The following COL6A6 variants were observed in gnomAD, a reference collection of about 807,000 sequenced individuals.
COL6A6 encodes collagen alpha-6(VI) chain.
Under a neutral mutation model 208.6 loss-of-function variants are expected in COL6A6, and 183 were observed. The observed-to-expected ratio is 0.88, with a 90% CI of 0.78 to 0.99. The LOEUF (loss-of-function observed/expected upper bound fraction) is 0.99. Among genes scored for constraint, COL6A6 ranks in the 50% least tolerant of loss-of-function variants. The probability of loss-of-function intolerance (pLI) is 0.00; values close to 1 mark genes in which losing one functional copy is unlikely to be tolerated. For synonymous variants in COL6A6, 973 were observed against 1,011.8 expected, an observed-to-expected ratio of 0.96 and a Z score of 0.73; for missense variants, 2,816 against 2,815.2, an observed-to-expected ratio of 1.00 and a Z score of -0.01.
At chr3:130,543,119 T>G (rs1267779100) in intron 1 of COL6A6, among the ~76,000 whole-genome samples, 1 of 152,158 alleles carries the variant, frequency 6.6e-6, no homozygotes, top group Non-Finnish European at 1.5e-5. Flanking sequence ...TTGGCCAGGA[T>G]GGTCTCGATG....
chr3:130,626,390 C>T, intron 24 of COL6A6, 95 bp from the exon 25 acceptor site: 1 of 911,742 alleles, frequency 1.1e-6, no homozygotes, highest in Non-Finnish European at 1.8e-6. Flanking sequence ...CAGTTCTGGG[C>T]ACAAACCCAT....
intron 1 of COL6A6, among the ~76,000 whole-genome samples, chr3:130,545,720 G>A (rs1183427329): frequency 6.6e-6 from 1 of 152,200 alleles, no homozygotes; most frequent in African/African-American, 2.4e-5. Context: ...GCCTCCCAAA[G>A]TGCTGGGATT....
At position 130,665,078 on chromosome 3, in the gene COL6A6, C is replaced by T. The variant is rs1473127966; in HGVS notation, c.6578C>T (p.Pro2193Leu). The change falls in exon 36 of 37, where the codon CCC becomes CTC. Residue 2193 changes from proline to leucine, a missense_variant. By Grantham distance (98) the Pro-to-Leu change is moderately conservative. Coordinates refer to ENST00000358511, the MANE Select transcript of COL6A6 (RefSeq NM_001102608.3). ...CTTAACTCTATAGATCCAAAGCAGCCCCCACGACCATTCCGAAGGTACTGT... is the reference window on the plus strand; with the variant it reads ...CTTAACTCTATAGATCCAAAGCAGCTCCCACGACCATTCCGAAGGTACTGT... The part of the protein sequence containing the change: ...NRLNSIDPKQ[P>L]PRPFRSFVPG... The T allele has an allele frequency of 1.9e-6, 3 of 1,609,694 alleles. No homozygotes were observed. Among genetic ancestry groups the T allele is most frequent in the Non-Finnish European group, 2.5e-6 (3 of 1,177,672 alleles).
intron 1 of COL6A6, among the ~76,000 whole-genome samples, chr3:130,540,964 C>T (rs556891100): frequency 3.7e-4 from 56 of 152,268 alleles, no homozygotes; most frequent in South Asian, 1.7e-3. Context: ...CTGCAGTGAA[C>T]ATATGTGTGC....
At position 130,592,723 on chromosome 3, in the gene COL6A6, G is replaced by A; in HGVS notation, c.4371+1G>A. On this transcript the variant is annotated splice_donor_variant, in intron 15 of 36. Transcript: ENST00000358511. LOFTEE classifies it high-confidence loss of function. ...AAACAGAGGACTAAATGGACAGGAG[G>A]TATGTTACCAGGCACATCCATTTAC... 6.2e-7 allele frequency: 1 copy of A among 1,611,084 alleles called. No individual in the cohort carries two copies. The highest frequency in any genetic ancestry group is 8.5e-7 in the Non-Finnish European group (1 of 1,178,012).
At chr3:130,519,044 T>A (rs1710914438) in intron 1 of COL6A6, among the ~76,000 whole-genome samples, 1 of 152,230 alleles carries the variant, frequency 6.6e-6, no homozygotes, top group African/African-American at 2.4e-5. Context: ...TTGTTGAATA[T>A]AAATACTTGC....
chr3:130,579,813 T>C (rs2063379537), intron 8 of COL6A6, among the ~76,000 whole-genome samples: 1 of 152,020 alleles, frequency 6.6e-6, no homozygotes, highest in Non-Finnish European at 1.5e-5. Context: ...CTCAGTGGAG[T>C]TTTTAGGCTG....
rs910317339 is a variant in COL6A6 at position 130,676,904 on chromosome 3, C to T, written c.*1507C>T. On this transcript the variant is annotated 3_prime_UTR_variant, in exon 37 of 37. Transcript: ENST00000358511. ...ACAGGAAATTAATGAGCAATATTTA[C>T]AATGTATTTTAATAAAAGGGATTTT... 52 of 152,160 alleles carry T rather than the reference C, an allele frequency of 3.4e-4. No individual in the cohort carries two copies. The highest frequency in any genetic ancestry group is 7.5e-4 in the African/African-American group (31 of 41,430). 9.4% of individuals were successfully genotyped at this position (152,160 alleles called of 1,614,324 possible).
At chr3:130,520,289 C>T (rs766715095) in intron 1 of COL6A6, among the ~76,000 whole-genome samples, 10 of 152,152 alleles carry the variant, frequency 6.6e-5, no homozygotes, top group Non-Finnish European at 1.5e-4. Flanking sequence ...CCAAAAGCTA[C>T]GCTAAGTTTT....
In COL6A6 at chr3:130,593,049, CTA is replaced by C. The variant is rs1193607997; in HGVS notation, c.4372-10_4372-9del. The C allele has an allele frequency of 6.2e-7, 1 of 1,611,802 alleles. No homozygotes were observed. The highest frequency in any genetic ancestry group is 2.2e-5 in the East Asian group (1 of 44,870). On this transcript the variant is annotated splice_polypyrimidine_tract_variant and intron_variant, in intron 15 of 36. Coordinates refer to ENST00000358511, the MANE Select transcript of COL6A6 (RefSeq NM_001102608.3). ...GTGATGTACTCTGTTCTAATCATAT[CTA>C]TCTTTTCAGGGAGAAGTTGGGGAAA...
chr3:130,559,191 T>C (rs2062827409), intron 1 of COL6A6, among the ~76,000 whole-genome samples: 2 of 152,242 alleles, frequency 1.3e-5, no homozygotes, highest in Admixed American at 6.5e-5. Context: ...TGGTATGACT[T>C]GGTTTTCACT....
chr3:130,533,326 C>T (rs2062151274), intron 1 of COL6A6, among the ~76,000 whole-genome samples: 1 of 150,160 alleles, frequency 6.7e-6, no homozygotes, highest in Non-Finnish European at 1.5e-5. Flanking sequence ...CAATGGATTT[C>T]ATCACTTCGT....
At chr3:130,529,388 T>C (rs551938793) in intron 1 of COL6A6, among the ~76,000 whole-genome samples, 1 of 152,068 alleles carries the variant, frequency 6.6e-6, no homozygotes, top group East Asian at 1.9e-4. Flanking sequence ...ATGTTCACTC[T>C]GAATTCAGGA....
At position 130,573,894 on chromosome 3, in the gene COL6A6, CTTGGTGGA is replaced by C. The variant is rs1401369382; in HGVS notation, c.2978-59_2978-52del. ...TATAGCTGCAAACATTGAATTTACT[CTTGGTGGA>C]TTAAGGAAAGAATAACAATCTGGGT... On this transcript the variant is annotated intron_variant, in intron 7 of 36. Coordinates refer to ENST00000358511, the MANE Select transcript of COL6A6 (RefSeq NM_001102608.3). The C allele has an allele frequency of 1.5e-5, 18 of 1,229,484 alleles. No individual in the cohort carries two copies. The African/African-American group carries it at 2.6e-4, about 17-fold the overall frequency. 76.2% of individuals were successfully genotyped at this position (1,229,484 alleles called of 1,614,324 possible).
In COL6A6 at chr3:130,661,725, C is replaced by G. The variant is rs200097884; in HGVS notation, c.5919C>G (p.Ser1973=). The change falls in exon 35 of 37, where the codon TCC becomes TCG. Residue 1973 remains serine, a synonymous_variant. Coordinates refer to ENST00000358511, the MANE Select transcript of COL6A6 (RefSeq NM_001102608.3). ...YMDAAFLLDA[S]RNMGSAEFED... ...ATGCTGCTTTCCTTCTGGATGCCTCCCGGAACATGGGAAGTGCTGAATTTG... is the reference window on the plus strand; with the variant it reads ...ATGCTGCTTTCCTTCTGGATGCCTCGCGGAACATGGGAAGTGCTGAATTTG... The G allele has an allele frequency of 9.3e-6, 15 of 1,613,908 alleles. No homozygotes were observed. Among genetic ancestry groups the G allele is most frequent in the Non-Finnish European group, 1.3e-5 (15 of 1,179,862 alleles).
chr3:130,572,214 C>T (rs893173762), intron 7 of COL6A6, among the ~76,000 whole-genome samples: 3 of 152,170 alleles, frequency 2.0e-5, no homozygotes, highest in African/African-American at 7.2e-5. Flanking sequence ...AACTCTGTTC[C>T]AGCCTCAGAA....
intron 28 of COL6A6, among the ~76,000 whole-genome samples, chr3:130,636,340 TC>T (rs2065110894): frequency 6.6e-6 from 1 of 152,236 alleles, no homozygotes; most frequent in Non-Finnish European, 1.5e-5. Context: ...GTACAATTCA[TC>T]CTGTAGGCTT....
intron 23 of COL6A6, among the ~76,000 whole-genome samples, chr3:130,612,262 A>G (rs748222840): frequency 6.6e-6 from 1 of 152,046 alleles, no homozygotes; most frequent in Non-Finnish European, 1.5e-5. Flanking sequence ...ATGTGTCTTT[A>G]TGGTAGGATG....
chr3:130,625,102 A>G (rs1449774452), intron 24 of COL6A6, among the ~76,000 whole-genome samples: 1 of 152,200 alleles, frequency 6.6e-6, no homozygotes, highest in Non-Finnish European at 1.5e-5. Flanking sequence ...GTCTAATCCA[A>G]TGGGATCCAA....
Sources: gnomAD v4.1 joint callset for allele counts (sites outside exome capture counted in the v4.1 genomes callset) on GRCh38, gnomAD v4.1.1 for gene constraint, MANE v1.5 for transcripts, NCBI Gene and HGNC (gene_info 2026-07-23, HGNC 2026-07-21) for gene names.